WDR33: variants seen among roughly 807,000 people sequenced by gnomAD.
WDR33 encodes the protein WD repeat domain 33, also known as pre-mRNA 3' end processing protein WDR33.
WDR33 carries 47 observed loss-of-function variants against 164.9 expected under a neutral mutation model. The ratio of observed to expected loss-of-function variants is 0.29; its 90% CI spans 0.23 to 0.36. WDR33 has a LOEUF of 0.36. Ranked by LOEUF, WDR33 falls within the 10% of genes least tolerant of loss-of-function variation. The pLI, the probability that WDR33 is intolerant of heterozygous loss-of-function variation, is 1.00. For synonymous variants in WDR33, 505 were observed against 589.0 expected, an observed-to-expected ratio of 0.86 and a Z score of 2.06; for missense variants, 1,137 against 1,754.1, an observed-to-expected ratio of 0.65 and a Z score of 6.28.
At chr2:127,788,246 C>T (rs1215526966) in intron 1 of WDR33, among the ~76,000 whole-genome samples, 1 of 128,128 alleles carries the variant, frequency 7.8e-6, no homozygotes, top group African/African-American at 3.2e-5. Flanking sequence ...AGGCAGGGGG[C>T]TGACCCCCCC....
intron 7 of WDR33, among the ~76,000 whole-genome samples, chr2:127,761,701 A>G (rs1424541778): frequency 6.6e-6 from 1 of 152,188 alleles, no homozygotes; most frequent in Non-Finnish European, 1.5e-5. Flanking sequence ...TGCTTTGAAC[A>G]TGTCACTTCC....
At chr2:127,794,221 C>A (rs1359432768) in intron 1 of WDR33, among the ~76,000 whole-genome samples, 1 of 152,088 alleles carries the variant, frequency 6.6e-6, no homozygotes, top group Non-Finnish European at 1.5e-5. Flanking sequence ...GAAAGCCGGC[C>A]AGGCACGGTG....
chr2:127,732,525 T>C (rs746592509), intron 7 of WDR33, among the ~76,000 whole-genome samples: 2 of 152,168 alleles, frequency 1.3e-5, no homozygotes, highest in Non-Finnish European at 2.9e-5. Context: ...TCTCCCTATG[T>C]TGGACAGGCT....
chr2:127,752,559 C>T (rs555396384), intron 7 of WDR33, among the ~76,000 whole-genome samples: 2 of 144,002 alleles, frequency 1.4e-5, no homozygotes, highest in African/African-American at 5.2e-5. Context: ...CACTGCAGTC[C>T]GCAGTCCGGC....
intron 1 of WDR33, among the ~76,000 whole-genome samples, chr2:127,808,206 T>C (rs1689506648): frequency 6.6e-6 from 1 of 152,324 alleles, no homozygotes; most frequent in South Asian, 2.1e-4. Flanking sequence ...ATTTAAAGAA[T>C]GCCTACTATA....
chr2:127,717,662 TTCTGAGA>T lies in WDR33; in HGVS notation c.2761-406_2761-400del, dbSNP rs1573883272. On this transcript the variant is annotated intron_variant, in intron 16 of 21. Transcript: ENST00000322313. The surrounding 1 kb of genome is among the most constrained non-coding windows in gnomAD (Gnocchi z 5.6). ...AGAGCACAGATTTTCATCAGGCAAC[TTCTGAGA>T]TCTGAAATGCCCTACAAAGTATCAG... 6.6e-6 allele frequency among the ~76,000 whole-genome samples: 1 copy of T among 152,234 alleles called. No individual in the cohort carries two copies. Among genetic ancestry groups the T allele is most frequent in the African/African-American group, 2.4e-5 (1 of 41,456 alleles).
intron 1 of WDR33, among the ~76,000 whole-genome samples, chr2:127,788,353 C>A (rs1404524649): frequency 8.6e-6 from 1 of 115,724 alleles, no homozygotes; most frequent in Non-Finnish European, 1.8e-5. Context: ...GGGCTCCTCA[C>A]TTCCCAGTAG....
Position 127,701,818 on chromosome 2 carries a change from A to T in WDR33, c.*4505T>A, listed in dbSNP as rs1048601919. The stretch of plus-strand genomic sequence containing the variant: ...CTGTGTTTCGGCCTAGCCGCGCTCT[A>T]CGCACCGGTGTTGCTGCTGCGCGCG... On this transcript the variant is annotated 3_prime_UTR_variant, in exon 22 of 22. Transcript: ENST00000322313. 11 of 1,457,544 alleles carry T rather than the reference A, an allele frequency of 7.5e-6. No homozygotes were observed. The highest frequency in any genetic ancestry group is 8.1e-6 in the Non-Finnish European group (9 of 1,109,186). 90.3% of individuals were successfully genotyped at this position (1,457,544 alleles called of 1,614,324 possible).
intron 1 of WDR33, among the ~76,000 whole-genome samples, chr2:127,787,640 C>T (rs1573461060): frequency 2.1e-5 from 2 of 96,050 alleles, no homozygotes; most frequent in Non-Finnish European, 4.2e-5. Context: ...ACCTCCCGGA[C>T]GGGGCGGCTG....
chr2:127,722,847 T>A lies in WDR33; in HGVS notation c.1378+111A>T. On this transcript the variant is annotated intron_variant, in intron 13 of 21. Coordinates refer to ENST00000322313, the MANE Select transcript of WDR33 (RefSeq NM_018383.5). The surrounding 1 kb of genome is among the most constrained non-coding windows in gnomAD (Gnocchi z 5.1). ...TATTATGTCATTTATATAATTTTTA[T>A]CAACATTTCTCAACATAAATCATTT... 7.2e-7 allele frequency: 1 copy of A among 1,381,654 alleles called. No individual in the cohort carries two copies. Among genetic ancestry groups the A allele is most frequent in the East Asian group, 2.5e-5 (1 of 40,658 alleles). 85.6% of individuals were successfully genotyped at this position (1,381,654 alleles called of 1,614,324 possible).
chr2:127,806,210 CTTT>C (rs200197402), intron 1 of WDR33, among the ~76,000 whole-genome samples: 4 of 132,924 alleles, frequency 3.0e-5, no homozygotes, highest in Admixed American at 7.7e-5. Context: ...TTTTCTTTTT[CTTT>C]TTTTTTTTTT....
Position 127,722,082 on chromosome 2 carries a change from T to G in WDR33, c.1519-94A>C, listed in dbSNP as rs969227495. The G allele has an allele frequency of 3.2e-5, 45 of 1,415,696 alleles. No homozygotes were observed. The highest frequency in any genetic ancestry group is 4.2e-5 in the Non-Finnish European group (44 of 1,044,226). The allele number at this position is 1,415,696 out of a possible 1,614,324, so 87.7% of individuals were successfully genotyped here. On this transcript the variant is annotated intron_variant, in intron 14 of 21. Transcript: ENST00000322313. The surrounding 1 kb of genome is among the most constrained non-coding windows in gnomAD (Gnocchi z 5.1). ...ACTCTACAATGTCATCTGCTCAATC[T>G]AACCTCTGAACCGATTTTATTTCTT...
Position 127,725,125 on chromosome 2 carries a change from A to C in WDR33, c.942T>G (p.Leu314=). ...CTTCTTTTAGGTTTCTGATATCAAA[A>C]AGTTTACAGAGATGATCACGTGATG... is the stretch of plus-strand genomic sequence containing the variant. ...LTASRDHLCK[L]FDIRNLKEEL... Residue 314 remains leucine, a synonymous_variant, in exon 9 of 22, where the codon CTT becomes CTG. Transcript: ENST00000322313. The C allele has an allele frequency of 1.2e-6, 2 of 1,613,898 alleles. No individual in the cohort carries two copies. Among genetic ancestry groups the C allele is most frequent in the Non-Finnish European group, 1.7e-6 (2 of 1,179,982 alleles).
In WDR33 at chr2:127,748,124, C is replaced by T. The variant is rs549923815; in HGVS notation, c.724+14938G>A. On this transcript the variant is annotated intron_variant, in intron 7 of 21. Coordinates refer to ENST00000322313, the MANE Select transcript of WDR33 (RefSeq NM_018383.5). ...ACCCCCTCTATAAGATCTGTTGATA[C>T]CCAATCATAGAATTGCCTCTGTTTT... Among the ~76,000 whole-genome samples the T allele has an allele frequency of 2.0e-5, 3 of 152,294 alleles. No individual in the cohort carries two copies. In the East Asian group the frequency reaches 5.8e-4, roughly 29 times the overall value.
rs775553872 is a variant in WDR33, at chr2:127,703,545, T to G, written c.*2778A>C. The G allele has an allele frequency of 6.0e-6, 1 of 167,120 alleles. No homozygotes were observed. Among genetic ancestry groups the G allele is most frequent in the Non-Finnish European group, 1.5e-5 (1 of 68,142 alleles). The allele number at this position is 167,120 out of a possible 1,614,324, so 10.4% of individuals were successfully genotyped here. ...TGACACAAGTGGCCAACATCCACAC[T>G]GTAGGCTTGCAGGCTACCCGCCCTG... is the stretch of plus-strand genomic sequence containing the variant. On this transcript the variant is annotated 3_prime_UTR_variant, in exon 22 of 22. Coordinates refer to ENST00000322313, the MANE Select transcript of WDR33 (RefSeq NM_018383.5).
At chr2:127,758,445 T>C (rs531303847) in intron 7 of WDR33, among the ~76,000 whole-genome samples, 8 of 152,314 alleles carry the variant, frequency 5.3e-5, no homozygotes, top group African/African-American at 1.9e-4. Flanking sequence ...GTTTACTCAT[T>C]TGTAAAATGG....
intron 7 of WDR33, among the ~76,000 whole-genome samples, chr2:127,733,909 G>A (rs915735218): frequency 2.0e-5 from 3 of 152,118 alleles, no homozygotes; most frequent in African/African-American, 2.4e-5. Context: ...ATGAGAACAC[G>A]GAAGCCTGAA....
chr2:127,761,487 A>G (rs1687676163), intron 7 of WDR33, among the ~76,000 whole-genome samples: 1 of 152,250 alleles, frequency 6.6e-6, no homozygotes, highest in South Asian at 2.1e-4. Flanking sequence ...GGCGTGAGCC[A>G]CCGCGCCCAG....
intron 7 of WDR33, among the ~76,000 whole-genome samples, chr2:127,739,575 C>T (rs1436181280): frequency 6.6e-6 from 1 of 152,190 alleles, no homozygotes; most frequent in Admixed American, 6.5e-5. Flanking sequence ...ATCTACTTAA[C>T]CCTTGCCTAG....
Sources: allele counts gnomAD v4.1 joint callset (sites outside exome capture counted in the v4.1 genomes callset), GRCh38; gene constraint gnomAD v4.1.1; non-coding constraint Gnocchi (gnomAD v3.1); transcripts MANE v1.5; gene names NCBI Gene and HGNC (gene_info 2026-07-23, HGNC 2026-07-21).